Variants in CTRC observed in about 807,000 individuals in gnomAD.
CTRC encodes the protein chymotrypsin C.
CTRC carries 32 observed loss-of-function variants against 35.7 expected under a neutral mutation model. The observed-to-expected ratio is 0.90, with a 90% CI of 0.68 to 1.20. The LOEUF is 1.20. Among genes scored for constraint, CTRC ranks in the 50% most tolerant of loss-of-function variants. The pLI is 0.00. For synonymous variants in CTRC, 119 were observed against 149.5 expected, an observed-to-expected ratio of 0.80 and a Z score of 1.49; for missense variants, 324 against 361.5, an observed-to-expected ratio of 0.90 and a Z score of 0.84.
intron 7 of CTRC, among the ~76,000 whole-genome samples, chr1:15,446,054 T>G (rs978604492): frequency 2.0e-5 from 3 of 152,282 alleles, no homozygotes; most frequent in Non-Finnish European, 4.4e-5. Context: ...ATTCACTCAT[T>G]CATTTGCTCA....
rs757899636 is a variant in CTRC at position 15,446,600 on chromosome 1, G to T, written c.*11G>T. 1.2e-6 allele frequency: 2 copies of T among 1,614,206 alleles called. No homozygotes were observed. Among genetic ancestry groups the T allele is most frequent in the Admixed American group, 1.7e-5 (1 of 60,032 alleles). The stretch of plus-strand genomic sequence containing the variant: ...AAAATGCAGCTGTGATTTGTTGCTG[G>T]GAGCGGCGGCAGCGAGTCCCTGCAA... On this transcript the variant is annotated 3_prime_UTR_variant, in exon 8 of 8. Coordinates refer to ENST00000375949, the MANE Select transcript of CTRC (RefSeq NM_007272.3).
intron 3 of CTRC, among the ~76,000 whole-genome samples, chr1:15,441,035 C>T (rs1708125291): frequency 6.6e-6 from 1 of 152,028 alleles, no homozygotes; most frequent in Non-Finnish European, 1.5e-5. Flanking sequence ...CAAAAATTAG[C>T]CAGGCGTGGT....
intron 3 of CTRC, 27 bp downstream of exon 3, chr1:15,440,617 T>C: frequency 6.2e-7 from 1 of 1,607,756 alleles, no homozygotes; most frequent in South Asian, 1.1e-5. Flanking sequence ...CCCTGAGACC[T>C]GGCCATCGTC....
In CTRC at chr1:15,444,706, A is replaced by T. The variant is rs1310384688; in HGVS notation, c.594A>T (p.Lys198Asn). The T allele has an allele frequency of 6.2e-7, 1 of 1,614,152 alleles. No individual in the cohort carries two copies. Among genetic ancestry groups the T allele is most frequent in the South Asian group, 1.1e-5 (1 of 91,084 alleles). Residue 198 changes from lysine to asparagine, a missense_variant, in exon 6 of 8, where the codon AAA becomes AAT. Lys to Asn is a moderately conservative substitution (Grantham distance 94). Transcript: ENST00000375949. ...ACTGGTGGGGCTTCAGGGTGAAGAA[A>T]ACCATGGTGTGCGCTGGGGGCGATG... is the stretch of plus-strand genomic sequence containing the variant. Reference protein sequence around the residue: ...RIDWWGFRVKKTMVCAGGDGV... With the variant: ...RIDWWGFRVKNTMVCAGGDGV...
chr1:15,445,540 C>T, intron 6 of CTRC, 57 bp from the exon 7 acceptor site: 1 of 1,590,272 alleles, frequency 6.3e-7, no homozygotes, highest in East Asian at 2.2e-5. Flanking sequence ...AGTCCTGCTT[C>T]CCAAGACTTC....
rs552620195 is a variant in CTRC at position 15,442,388 on chromosome 1, A to G, written c.231-59A>G. On this transcript the variant is annotated intron_variant, in intron 3 of 7. Transcript: ENST00000375949. ...CACTAAAGCCCCGAGCTCCCTCTCTATCCCACTGGCTGGCAGGACCAGGGG... is the reference window on the plus strand; with the variant it reads ...CACTAAAGCCCCGAGCTCCCTCTCTGTCCCACTGGCTGGCAGGACCAGGGG... 41 of 1,565,620 alleles carry G rather than the reference A, an allele frequency of 2.6e-5. No individual in the cohort carries two copies. In the African/African-American group the frequency reaches 5.3e-4, roughly 20 times the overall value.
chr1:15,440,234 T>TCCCCCCCCCTTC, intron 1 of CTRC, 66 bp from the exon 2 acceptor site: 1 of 309,296 alleles, frequency 3.2e-6, no homozygotes, highest in Non-Finnish European at 6.7e-6. Flanking sequence ...CTGCCCACCC[T>TCCCCCCCCCTTC]CCCACCCCTT....
In CTRC at chr1:15,447,380, G is replaced by A. The variant is rs905785537; in HGVS notation, c.*791G>A. ...AGCTGGATATGCTTTCATTGCATTAGACAAGTGGGGAAACTGAGGCCCAGA... is the reference window on the plus strand; with the variant it reads ...AGCTGGATATGCTTTCATTGCATTAAACAAGTGGGGAAACTGAGGCCCAGA... On this transcript the variant is annotated 3_prime_UTR_variant, in exon 8 of 8. Transcript: ENST00000375949. The A allele has an allele frequency of 2.0e-5, 3 of 153,308 alleles. No homozygotes were observed. In the Admixed American group the frequency reaches 2.0e-4, roughly 10 times the overall value. 9.5% of individuals were successfully genotyped at this position (153,308 alleles called of 1,614,324 possible).
chr1:15,444,621 CTGA>C lies in CTRC; in HGVS notation c.511_513del (p.Asp171del). The C allele has an allele frequency of 6.2e-7, 1 of 1,614,204 alleles. No individual in the cohort carries two copies. On this transcript the variant is annotated inframe_deletion, in exon 6 of 8. Coordinates refer to ENST00000375949, the MANE Select transcript of CTRC (RefSeq NM_007272.3). The stretch of plus-strand genomic sequence containing the variant: ...CTCTCCCCAGCCAACGGCCCCATTG[CTGA>C]TAAGCTGCAGCAGGGCCTGCAGCCC...
intron 3 of CTRC, 123 bp from the exon 4 acceptor site, chr1:15,442,324 A>C: frequency 7.7e-7 from 1 of 1,291,774 alleles, no homozygotes; most frequent in East Asian, 2.6e-5. Context: ...CACCCTGGGA[A>C]AGGACAATGG....
intron 4 of CTRC, among the ~76,000 whole-genome samples, 174 bp downstream of exon 4, chr1:15,442,746 C>A (rs1009623611): frequency 1.3e-5 from 2 of 151,932 alleles, no homozygotes; most frequent in Admixed American, 6.6e-5. Flanking sequence ...GAGACAAATA[C>A]CCCCTCATAT....
At position 15,446,887 on chromosome 1, in the gene CTRC, G is replaced by C. The variant is rs942878800; in HGVS notation, c.*298G>C. 3 of 537,332 alleles carry C rather than the reference G, an allele frequency of 5.6e-6. No homozygotes were observed. In the African/African-American group the frequency reaches 5.7e-5, roughly 10 times the overall value. The allele number at this position is 537,332 out of a possible 1,614,324, so 33.3% of individuals were successfully genotyped here. A position where few individuals can be genotyped will look rare whatever the true frequency, so the allele number is the denominator to read the frequency against. On this transcript the variant is annotated 3_prime_UTR_variant, in exon 8 of 8. Coordinates refer to ENST00000375949, the MANE Select transcript of CTRC (RefSeq NM_007272.3). ...AGGGAGTCCTGCGTGAAGCCGGAGG[G>C]GATGGGAGTGAAGGACGCATCAGAC...
chr1:15,444,777 T>C, intron 6 of CTRC, 26 bp downstream of exon 6: 1 of 1,614,082 alleles, frequency 6.2e-7, no homozygotes, highest in Non-Finnish European at 8.5e-7. Context: ...CTGCACCTTG[T>C]CCCTACTCCA....
chr1:15,440,149 T>C, intron 1 of CTRC, 151 bp from the exon 2 acceptor site: 2 of 716,664 alleles, frequency 2.8e-6, no homozygotes, highest in South Asian at 1.6e-5. Context: ...CCTAGAGACC[T>C]GGGTGGCTTA....
At chr1:15,445,553 C>T in intron 6 of CTRC, 44 bp from the exon 7 acceptor site, 2 of 1,603,182 alleles carry the variant, frequency 1.2e-6, no homozygotes, top group South Asian at 1.1e-5. Context: ...AAGACTTCCT[C>T]TGGGGGGGGG....
intron 1 of CTRC, among the ~76,000 whole-genome samples, chr1:15,438,967 C>T (rs540390384): frequency 1.3e-5 from 2 of 152,318 alleles, no homozygotes; most frequent in African/African-American, 4.8e-5. Context: ...CTAAATCTCA[C>T]TAACTTTTTT....
Position 15,444,700 on chromosome 1 carries a change from G to A in CTRC, c.588G>A (p.Val196=). The change falls in exon 6 of 8, where the codon GTG becomes GTA. Residue 196 remains valine, a synonymous_variant. Coordinates refer to ENST00000375949, the MANE Select transcript of CTRC (RefSeq NM_007272.3). The part of the protein sequence containing the change: ...CSRIDWWGFR[V]KKTMVCAGGD... ...GGATTGACTGGTGGGGCTTCAGGGT[G>A]AAGAAAACCATGGTGTGCGCTGGGG... 6.2e-7 allele frequency: 1 copy of A among 1,614,252 alleles called. No homozygotes were observed. Among genetic ancestry groups the A allele is most frequent in the Non-Finnish European group, 8.5e-7 (1 of 1,180,042 alleles).
rs760649717 is a variant in CTRC at position 15,442,493 on chromosome 1, G to A, written c.277G>A (p.Val93Met). The A allele has an allele frequency of 1.2e-6, 2 of 1,614,196 alleles. No homozygotes were observed. The highest frequency in any genetic ancestry group is 1.7e-6 in the Non-Finnish European group (2 of 1,180,038). The change falls in exon 4 of 8, where the codon GTG becomes ATG. Residue 93 changes from valine (V) to methionine (M), a missense_variant. Physicochemically the swap from Val to Met is conservative, Grantham distance 21 (BLOSUM62 1). Coordinates refer to ENST00000375949, the MANE Select transcript of CTRC (RefSeq NM_007272.3). ...GGCCGTGGGAAAGAACAACCTGGAG[G>A]TGGAAGACGAAGAAGGATCCCTGTT... is the stretch of plus-strand genomic sequence containing the variant. The part of the protein sequence containing the change: ...RVAVGKNNLE[V>M]EDEEGSLFVG...
In CTRC at chr1:15,446,698, C is replaced by T. The variant is rs1344079649; in HGVS notation, c.*109C>T. The T allele has an allele frequency of 7.8e-7, 1 of 1,276,730 alleles. No individual in the cohort carries two copies. The highest frequency in any genetic ancestry group is 1.1e-6 in the Non-Finnish European group (1 of 874,702). 79.1% of individuals were successfully genotyped at this position (1,276,730 alleles called of 1,614,324 possible). ...GCAGCTTCTGTTGCTTCCCTCCTCT[C>T]TGGTGCTGCCCCTTTCCACACTATG... On this transcript the variant is annotated 3_prime_UTR_variant, in exon 8 of 8. Transcript: ENST00000375949.
Sources: gnomAD v4.1 joint callset for allele counts (sites outside exome capture counted in the v4.1 genomes callset) on GRCh38, gnomAD v4.1.1 for gene constraint, MANE v1.5 for transcripts, NCBI Gene and HGNC (gene_info 2026-07-23, HGNC 2026-07-21) for gene names.